KRTAP4-11: variants seen among roughly 807,000 people sequenced by gnomAD.
KRTAP4-11 encodes the protein keratin-associated protein 4-11.
A neutral mutation model predicts 3.4 loss-of-function variants in KRTAP4-11; 3 were observed. The ratio of observed to expected loss-of-function variants is 0.87; its 90% CI spans 0.40 to 2.26. The LOEUF (loss-of-function observed/expected upper bound fraction) is 2.26. Ranked by LOEUF, KRTAP4-11 falls within the 30% of genes most tolerant of loss-of-function variation. KRTAP4-11 has a pLI of 0.05. For missense variants in KRTAP4-11, 248 were observed against 258.8 expected, an observed-to-expected ratio of 0.96 and a Z score of 0.29; for synonymous variants, 94 against 89.4, an observed-to-expected ratio of 1.05 and a Z score of -0.29.
rs1299492944 is a variant in KRTAP4-11, at chr17:41,118,276, C to A, written c.40G>T (p.Gly14Cys). 1.9e-6 allele frequency: 3 copies of A among 1,612,266 alleles called. No individual in the cohort carries two copies. Among genetic ancestry groups the A allele is most frequent in the Non-Finnish European group, 2.5e-6 (3 of 1,179,278 alleles). The change falls in exon 1 of 1, where the codon GGC (glycine) becomes TGC (cysteine). Residue 14 changes from glycine to cysteine, a missense_variant. Coordinates refer to ENST00000391413, the MANE Select transcript of KRTAP4-11 (RefSeq NM_033059.4). ...TCCTGGCAGAGGTCTCGGCCACAGCCTTGGTGAGAGCACACGGAGCCACAA... is the reference window on the plus strand; with the variant it reads ...TCCTGGCAGAGGTCTCGGCCACAGCATTGGTGAGAGCACACGGAGCCACAA... ...SCCGSVCSHQ[G>C]CGRDLCQETC...
rs1265980256 is a variant in KRTAP4-11 at position 41,117,594 on chromosome 17, G to A, written c.*134C>T. 3.7e-6 allele frequency: 5 copies of A among 1,365,838 alleles called. No homozygotes were observed. The highest frequency in any genetic ancestry group is 2.5e-5 in the East Asian group (1 of 39,666). 84.6% of individuals were successfully genotyped at this position (1,365,838 alleles called of 1,614,324 possible). A position where few individuals can be genotyped will look rare whatever the true frequency, so the allele number is the denominator to read the frequency against. ...TCACAGAGTCAGTGGGATGGTGATG[G>A]GCTCATTGGAAACATGAAGTCCACC... On this transcript the variant is annotated 3_prime_UTR_variant, in exon 1 of 1. Coordinates refer to ENST00000391413, the MANE Select transcript of KRTAP4-11 (RefSeq NM_033059.4).
rs1169744381 is a variant in KRTAP4-11 at position 41,117,652 on chromosome 17, C to T, written c.*76G>A. The T allele has an allele frequency of 2.7e-6, 4 of 1,506,858 alleles. No homozygotes were observed. Among genetic ancestry groups the T allele is most frequent in the Non-Finnish European group, 3.6e-6 (4 of 1,123,422 alleles). The allele number at this position is 1,506,858 out of a possible 1,614,324, so 93.3% of individuals were successfully genotyped here. Reference sequence around the variant, plus strand: ...ATGACATCAATCCCACTCCATGTGTCCTAATAGTCAGCACAGAAGAATGGT... The same window carrying T: ...ATGACATCAATCCCACTCCATGTGTTCTAATAGTCAGCACAGAAGAATGGT... On this transcript the variant is annotated 3_prime_UTR_variant, in exon 1 of 1. Transcript: ENST00000391413.
chr17:41,117,441 A>T lies in KRTAP4-11; in HGVS notation c.*287T>A, dbSNP rs1220673738. 1.2e-5 allele frequency: 7 copies of T among 565,740 alleles called. No homozygotes were observed. Among genetic ancestry groups the T allele is most frequent in the African/African-American group, 5.7e-5 (3 of 52,986 alleles). 35.0% of individuals were successfully genotyped at this position (565,740 alleles called of 1,614,324 possible). On this transcript the variant is annotated 3_prime_UTR_variant, in exon 1 of 1. Coordinates refer to ENST00000391413, the MANE Select transcript of KRTAP4-11 (RefSeq NM_033059.4). ...ATATTCTGTAGGCTCAAAACGATTT[A>T]AAAAATGAGGAATTTAGAGGATTGG...
chr17:41,117,749 G>A lies in KRTAP4-11; in HGVS notation c.567C>T (p.Cys189=). 6.3e-7 allele frequency: 1 copy of A among 1,586,000 alleles called. No homozygotes were observed. Among genetic ancestry groups the A allele is most frequent in the Non-Finnish European group, 8.6e-7 (1 of 1,166,310 alleles). The change falls in exon 1 of 1, where the codon TGC becomes TGT. Residue 189 remains cysteine (C), a synonymous_variant. Coordinates refer to ENST00000391413, the MANE Select transcript of KRTAP4-11 (RefSeq NM_033059.4). Reference sequence around the variant, plus strand: ...GGGCTCAGCAGCAAGAGGAGGCACAGCACAAGGGGCGGGGGCAGCTGGAGA... The same window carrying A: ...GGGCTCAGCAGCAAGAGGAGGCACAACACAAGGGGCGGGGGCAGCTGGAGA... ...CVISSCPRPL[C]CASSCC
rs574159730 is a variant in KRTAP4-11 at position 41,117,503 on chromosome 17, T to C, written c.*225A>G. The C allele has an allele frequency of 2.7e-5, 19 of 702,680 alleles. No homozygotes were observed. In the African/African-American group the frequency reaches 3.4e-4, roughly 12 times the overall value. 43.5% of individuals were successfully genotyped at this position (702,680 alleles called of 1,614,324 possible). A position where few individuals can be genotyped will look rare whatever the true frequency, so the allele number is the denominator to read the frequency against. On this transcript the variant is annotated 3_prime_UTR_variant, in exon 1 of 1. Transcript: ENST00000391413. ...AGCTAGTGGATTACAAATTATTTCATATTTGGTGCCATGACTGGAAGAGAA... is the reference window on the plus strand; with the variant it reads ...AGCTAGTGGATTACAAATTATTTCACATTTGGTGCCATGACTGGAAGAGAA...
Position 41,117,561 on chromosome 17 carries a change from G to C in KRTAP4-11, c.*167C>G. Reference sequence around the variant, plus strand: ...AAGGGAGGGAGTTTAAAATGAACCAGAATGTTCTCACAGAGTCAGTGGGAT... The same window carrying C: ...AAGGGAGGGAGTTTAAAATGAACCACAATGTTCTCACAGAGTCAGTGGGAT... On this transcript the variant is annotated 3_prime_UTR_variant, in exon 1 of 1. Transcript: ENST00000391413. 1 of 1,143,820 alleles carries C rather than the reference G, an allele frequency of 8.7e-7. No homozygotes were observed. The highest frequency in any genetic ancestry group is 1.2e-6 in the Non-Finnish European group (1 of 824,646). 70.9% of individuals were successfully genotyped at this position (1,143,820 alleles called of 1,614,324 possible).
At position 41,117,905 on chromosome 17, in the gene KRTAP4-11, G is replaced by C. The variant is rs145503152; in HGVS notation, c.411C>G (p.Pro137=). Residue 137 remains proline (P), a synonymous_variant, in exon 1 of 1, where the codon CCC becomes CCG. Coordinates refer to ENST00000391413, the MANE Select transcript of KRTAP4-11 (RefSeq NM_033059.4). ...GGCAGCAGCTGGAGATGCTGCAGCT[G>C]GGGTGGCAGCAGGTGGGCTGGCAGC... The part of the protein sequence containing the change: ...SVCCQPTCCH[P]SCSISSCCRP... 7.8e-7 allele frequency: 1 copy of C among 1,280,356 alleles called. No homozygotes were observed. Among genetic ancestry groups the C allele is most frequent in the Non-Finnish European group, 1.1e-6 (1 of 942,684 alleles). The allele number at this position is 1,280,356 out of a possible 1,614,324, so 79.3% of individuals were successfully genotyped here. A position where few individuals can be genotyped will look rare whatever the true frequency, so the allele number is the denominator to read the frequency against.
rs2143915566 is a variant in KRTAP4-11 at position 41,117,980 on chromosome 17, G to C, written c.336C>G (p.Pro112=). 6.7e-7 allele frequency: 1 copy of C among 1,495,438 alleles called. No individual in the cohort carries two copies. The highest frequency in any genetic ancestry group is 1.9e-4 in the Middle Eastern group (1 of 5,292). 92.6% of individuals were successfully genotyped at this position (1,495,438 alleles called of 1,614,324 possible). A position where few individuals can be genotyped will look rare whatever the true frequency, so the allele number is the denominator to read the frequency against. The change falls in exon 1 of 1, where the codon CCC becomes CCG. Residue 112 remains proline, a synonymous_variant. Coordinates refer to ENST00000391413, the MANE Select transcript of KRTAP4-11 (RefSeq NM_033059.4). ...TGCAGCAGCTGGACACACAGCAGCT[G>C]GGGCGACAGCAGCTGGAGATGCAGC... is the stretch of plus-strand genomic sequence containing the variant. ...PRCCISSCCR[P]SCCVSSCCRP...
chr17:41,117,440 TA>T lies in KRTAP4-11; in HGVS notation c.*287del. 1 of 563,452 alleles carries T rather than the reference TA, an allele frequency of 1.8e-6. No individual in the cohort carries two copies. The highest frequency in any genetic ancestry group is 3.1e-6 in the Non-Finnish European group (1 of 322,964). 34.9% of individuals were successfully genotyped at this position (563,452 alleles called of 1,614,324 possible). On this transcript the variant is annotated 3_prime_UTR_variant, in exon 1 of 1. Coordinates refer to ENST00000391413, the MANE Select transcript of KRTAP4-11 (RefSeq NM_033059.4). The stretch of plus-strand genomic sequence containing the variant: ...GATATTCTGTAGGCTCAAAACGATT[TA>T]AAAAATGAGGAATTTAGAGGATTGG...
Position 41,117,638 on chromosome 17 carries a change from C to G in KRTAP4-11, c.*90G>C. On this transcript the variant is annotated 3_prime_UTR_variant, in exon 1 of 1. Coordinates refer to ENST00000391413, the MANE Select transcript of KRTAP4-11 (RefSeq NM_033059.4). ...GTCCACCCTGCTGAATGACATCAAT[C>G]CCACTCCATGTGTCCTAATAGTCAG... The G allele has an allele frequency of 6.7e-7, 1 of 1,485,302 alleles. No individual in the cohort carries two copies. The highest frequency in any genetic ancestry group is 9.0e-7 in the Non-Finnish European group (1 of 1,111,066). 92.0% of individuals were successfully genotyped at this position (1,485,302 alleles called of 1,614,324 possible).
rs771741141 is a variant in KRTAP4-11, at chr17:41,118,342, G to C, written c.-27C>G. 4 of 1,568,134 alleles carry C rather than the reference G, an allele frequency of 2.6e-6. No homozygotes were observed. The South Asian group carries it at 4.9e-5, about 19-fold the overall frequency. ...GTGTCAGAGGGTGAAGGATCTAGTT[G>C]GGTTTCTAGGAGAGTGAAGTTCTTG... On this transcript the variant is annotated 5_prime_UTR_variant, in exon 1 of 1. Transcript: ENST00000391413.
Position 41,118,244 on chromosome 17 carries a change from G to A in KRTAP4-11, c.72C>T (p.Cys24=). Residue 24 remains cysteine, a synonymous_variant, in exon 1 of 1, where the codon TGC becomes TGT. Coordinates refer to ENST00000391413, the MANE Select transcript of KRTAP4-11 (RefSeq NM_033059.4). ...GCGRDLCQET[C]CRPSCCETTC... is the part of the protein sequence containing the mutation. The stretch of plus-strand genomic sequence containing the variant: ...TGGTCTCACAGCAGCTGGGGCGGCA[G>A]CAGGTCTCCTGGCAGAGGTCTCGGC... 2 of 1,613,664 alleles carry A rather than the reference G, an allele frequency of 1.2e-6. No homozygotes were observed. The highest frequency in any genetic ancestry group is 8.5e-7 in the Non-Finnish European group (1 of 1,179,912).
In KRTAP4-11 at chr17:41,117,759, CG is replaced by C; in HGVS notation, c.556del (p.Arg186AlafsTer61). The C allele has an allele frequency of 6.3e-7, 1 of 1,588,392 alleles. No individual in the cohort carries two copies. ...GCAAGAGGAGGCACAGCACAAGGGG[CG>C]GGGGCAGCTGGAGATGACACAGGTT... ...RPTCVISSCPRPLCCASSCC is the reference protein window; with the variant it reads ...RPTCVISSCPXPLCCASSCC On this transcript the variant is annotated frameshift_variant, in exon 1 of 1. Coordinates refer to ENST00000391413, the MANE Select transcript of KRTAP4-11 (RefSeq NM_033059.4). LOFTEE classifies it high-confidence loss of function.
chr17:41,117,912 C>G lies in KRTAP4-11; in HGVS notation c.404G>C (p.Cys135Ser). 7.5e-6 allele frequency: 12 copies of G among 1,605,436 alleles called. No homozygotes were observed. Among genetic ancestry groups the G allele is most frequent in the Non-Finnish European group, 1.0e-5 (12 of 1,175,286 alleles). Residue 135 changes from cysteine (C) to serine (S), a missense_variant, in exon 1 of 1, where the codon TGC (cysteine) becomes TCC (serine). By Grantham distance (112) the Cys-to-Ser change is moderately radical (BLOSUM62 -1). Around this residue, in one of 3 missense-constraint regions of KRTAP4-11, gnomAD observed 131 missense variants for 130.2 expected, o/e 1.01. Transcript: ENST00000391413. ...CQSVCCQPTC[C>S]HPSCSISSCC... is the part of the protein sequence containing the mutation. ...GCTGGAGATGCTGCAGCTGGGGTGG[C>G]AGCAGGTGGGCTGGCAGCACACAGA...
Position 41,117,738 on chromosome 17 carries a change from G to A in KRTAP4-11, c.578C>T (p.Ser193Phe), listed in dbSNP as rs1218655024. ...SCPRPLCCAS[S>F]CC ...GCCAGGGCAGTGGGCTCAGCAGCAA[G>A]AGGAGGCACAGCACAAGGGGCGGGG... The change falls in exon 1 of 1, where the codon TCT becomes TTT. Residue 193 changes from serine to phenylalanine, a missense_variant. Transcript: ENST00000391413. The A allele has an allele frequency of 3.0e-5, 48 of 1,581,640 alleles. No homozygotes were observed. Among genetic ancestry groups the A allele is most frequent in the Non-Finnish European group, 4.0e-5 (46 of 1,164,036 alleles).
In KRTAP4-11 at chr17:41,117,964, T is replaced by C; in HGVS notation, c.352A>G (p.Ser118Gly). 2 of 1,497,642 alleles carry C rather than the reference T, an allele frequency of 1.3e-6. No individual in the cohort carries two copies. Among genetic ancestry groups the C allele is most frequent in the Non-Finnish European group, 9.0e-7 (1 of 1,112,504 alleles). The allele number at this position is 1,497,642 out of a possible 1,614,324, so 92.8% of individuals were successfully genotyped here. A position where few individuals can be genotyped will look rare whatever the true frequency, so the allele number is the denominator to read the frequency against. The change falls in exon 1 of 1, where the codon AGC becomes GGC. Residue 118 changes from serine (S) to glycine (G), a missense_variant. Ser to Gly is a moderately conservative substitution (Grantham distance 56). Around this residue, in one of 3 missense-constraint regions of KRTAP4-11, gnomAD observed 131 missense variants for 130.2 expected, o/e 1.01. Transcript: ENST00000391413. ...SCCRPSCCVS[S>G]CCRPQCCQSV... Reference sequence around the variant, plus strand: ...TGGCAGCACTGGGGTCTGCAGCAGCTGGACACACAGCAGCTGGGGCGACAG... The same window carrying C: ...TGGCAGCACTGGGGTCTGCAGCAGCCGGACACACAGCAGCTGGGGCGACAG...
In KRTAP4-11 at chr17:41,117,814, C is replaced by G. The variant is rs746725496; in HGVS notation, c.502G>C (p.Val168Leu). The G allele has an allele frequency of 3.1e-6, 5 of 1,601,672 alleles. No homozygotes were observed. The South Asian group carries it at 3.3e-5, about 11-fold the overall frequency. Residue 168 changes from valine (V) to leucine (L), a missense_variant, in exon 1 of 1, where the codon GTC becomes CTC. Val to Leu is a conservative substitution (Grantham distance 32). This residue lies in a region of KRTAP4-11 where 131 missense variants were observed against 130.2 expected (regional missense o/e 1.01). Transcript: ENST00000391413. ...CGATAGCAAGTGGTGTGGCAGGAGACTCGGCCACAGACTGGACGCAGGCAG... is the reference window on the plus strand; with the variant it reads ...CGATAGCAAGTGGTGTGGCAGGAGAGTCGGCCACAGACTGGACGCAGGCAG... ...CCCLRPVCGR[V>L]SCHTTCYRPT... is the part of the protein sequence containing the mutation.
At position 41,118,097 on chromosome 17, in the gene KRTAP4-11, G is replaced by A; in HGVS notation, c.219C>T (p.Ser73=). The change falls in exon 1 of 1, where the codon AGC becomes AGT. Residue 73 remains serine (S), a synonymous_variant. Transcript: ENST00000391413. Reference sequence around the variant, plus strand: ...ACACACAGCAGCTGGGGCGACAGCAGCTGGAGATGCAGCATCTGGGGCGGC... The same window carrying A: ...ACACACAGCAGCTGGGGCGACAGCAACTGGAGATGCAGCATCTGGGGCGGC... ...TCCRPRCCIS[S]CCRPSCCVSS... is the part of the protein sequence containing the mutation. The A allele has an allele frequency of 6.3e-7, 1 of 1,584,724 alleles. No homozygotes were observed.
chr17:41,117,783 GT>G lies in KRTAP4-11; in HGVS notation c.532del (p.Thr178ProfsTer69), dbSNP rs1202514408. 4.4e-6 allele frequency: 7 copies of G among 1,596,836 alleles called. No homozygotes were observed. The African/African-American group carries it at 6.7e-5, about 15-fold the overall frequency. ...VSCHTTCYRP[T>X]CVISSCPRPL... Reference sequence around the variant, plus strand: ...GCGGGGGCAGCTGGAGATGACACAGGTTGGGCGATAGCAAGTGGTGTGGCAG... The same window carrying G: ...GCGGGGGCAGCTGGAGATGACACAGGTGGGCGATAGCAAGTGGTGTGGCAG... On this transcript the variant is annotated frameshift_variant, in exon 1 of 1. Coordinates refer to ENST00000391413, the MANE Select transcript of KRTAP4-11 (RefSeq NM_033059.4). LOFTEE classifies it high-confidence loss of function.
Sources: allele counts gnomAD v4.1 joint callset, GRCh38; gene constraint gnomAD v4.1.1; regional missense constraint gnomAD v4.1.1; transcripts MANE v1.5; gene names NCBI Gene and HGNC (gene_info 2026-07-23, HGNC 2026-07-21).